The following PLA2G2D variants were observed in gnomAD, a reference collection of about 807,000 sequenced individuals.
PLA2G2D encodes group IID secretory phospholipase A2.
Under a neutral mutation model 13.9 loss-of-function variants are expected in PLA2G2D, and 17 were observed. That is an observed-to-expected ratio of 1.23 (90% CI 0.84 to 1.84). PLA2G2D has a LOEUF of 1.84. PLA2G2D is among the 40% of genes most tolerant of loss of function. The pLI, the probability that PLA2G2D is intolerant of heterozygous loss-of-function variation, is 0.00. For synonymous variants in PLA2G2D, 83 were observed against 69.3 expected (o/e 1.20, Z -0.98); for missense variants, 194 against 178.7 (o/e 1.09, Z -0.49).
intron 2 of PLA2G2D, 98 bp from the exon 3 acceptor site, chr1:20,115,711 A>T (rs1569870354): frequency 1.3e-6 from 1 of 793,940 alleles, no homozygotes; most frequent in East Asian, 2.4e-5. Context: ...CCACCTGGGA[A>T]GAGTCAAGGC....
intron 3 of PLA2G2D, among the ~76,000 whole-genome samples, chr1:20,114,720 TCCCG>T (rs2016949203): frequency 6.6e-6 from 1 of 151,890 alleles, no homozygotes; most frequent in Non-Finnish European, 1.5e-5. Context: ...ATGCAAAGAC[TCCCG>T]GGCAGGAGGG....
Position 20,113,920 on chromosome 1 carries a change from G to T in PLA2G2D, c.*194C>A. 2.0e-6 allele frequency: 1 copy of T among 508,214 alleles called. No individual in the cohort carries two copies. 31.5% of individuals were successfully genotyped at this position (508,214 alleles called of 1,614,324 possible). A position where few individuals can be genotyped will look rare whatever the true frequency, so the allele number is the denominator to read the frequency against. On this transcript the variant is annotated 3_prime_UTR_variant, in exon 4 of 4. Coordinates refer to ENST00000375105, the MANE Select transcript of PLA2G2D (RefSeq NM_012400.4). ...CTCCCAAGATTCCCATCCACCCTCA[G>T]AGGACACAGCTACTGCCTCAACTGG...
intron 1 of PLA2G2D, among the ~76,000 whole-genome samples, chr1:20,118,494 A>G (rs1354474651): frequency 6.6e-6 from 1 of 152,104 alleles, no homozygotes; most frequent in African/African-American, 2.4e-5. Context: ...ACAGGGGTGA[A>G]GCTCCTTCTC....
rs1203952754 is a variant in PLA2G2D at position 20,112,916 on chromosome 1, A to C, written c.*1198T>G. On this transcript the variant is annotated 3_prime_UTR_variant, in exon 4 of 4. Transcript: ENST00000375105. ...GGCCTCTTGGTGGGAGAGGTGGGGC[A>C]GGGGGAAGGCAGCTCCCACTAGACC... The C allele has an allele frequency of 6.6e-6, 1 of 152,206 alleles. No homozygotes were observed. Among genetic ancestry groups the C allele is most frequent in the Non-Finnish European group, 1.5e-5 (1 of 68,122 alleles). The allele number at this position is 152,206 out of a possible 1,614,324, so 9.4% of individuals were successfully genotyped here. A position where few individuals can be genotyped will look rare whatever the true frequency, so the allele number is the denominator to read the frequency against.
At chr1:20,117,215 A>T (rs182524661) in intron 1 of PLA2G2D, among the ~76,000 whole-genome samples, 25 of 152,312 alleles carry the variant, frequency 1.6e-4, no homozygotes, top group African/African-American at 3.4e-4. Flanking sequence ...ATTATTTTTA[A>T]ACCCTATTTT....
chr1:20,114,472 A>C (rs1388266235), intron 3 of PLA2G2D, among the ~76,000 whole-genome samples: 1 of 152,188 alleles, frequency 6.6e-6, no homozygotes, highest in African/African-American at 2.4e-5. Context: ...TTCATTAAAC[A>C]ATTGTTGAGC....
intron 1 of PLA2G2D, among the ~76,000 whole-genome samples, chr1:20,117,585 A>T (rs140550741): frequency 1.1e-4 from 17 of 152,322 alleles, no homozygotes; most frequent in African/African-American, 4.1e-4. Flanking sequence ...GAAATAAAAT[A>T]TATTAAGTCC....
chr1:20,119,006 A>G (rs910189514), intron 1 of PLA2G2D, among the ~76,000 whole-genome samples: 2 of 151,948 alleles, frequency 1.3e-5, no homozygotes, highest in African/African-American at 4.8e-5. Context: ...TTAAGATCAA[A>G]TGGAAATTGC....
intron 1 of PLA2G2D, among the ~76,000 whole-genome samples, chr1:20,119,107 C>A (rs1443790028): frequency 6.6e-6 from 1 of 152,158 alleles, no homozygotes; most frequent in African/African-American, 2.4e-5. Flanking sequence ...GAGTGCTATG[C>A]ATTCGTACGG....
chr1:20,115,443 G>T, intron 3 of PLA2G2D, 64 bp downstream of exon 3: 1 of 913,610 alleles, frequency 1.1e-6, no homozygotes, highest in Non-Finnish European at 1.8e-6. Context: ...TGCTGTGAAG[G>T]CAGTGGGGGC....
chr1:20,115,581 T>C lies in PLA2G2D; in HGVS notation c.218A>G (p.His73Arg), dbSNP rs62541891. ...CCQTHDCCYD[H>R]LKTQGCSIYK... ...GATGCTGCACCCCTGGGTCTTCAGG[T>C]GGTCATAGCAGCAGTCATGGGTCTG... Residue 73 changes from histidine to arginine, a missense_variant, in exon 3 of 4, where the codon CAC (histidine) becomes CGC (arginine). Transcript: ENST00000375105. The C allele has an allele frequency of 7.0e-4, 1,131 of 1,612,786 alleles. 10 individuals carry two copies. The African/African-American group carries it at 0.013, about 18-fold the overall frequency.
Position 20,114,125 on chromosome 1 carries a change from G to T in PLA2G2D, c.427C>A (p.Pro143Thr). ...YWRPHCRGQT[P>T]GC ...GAGGGTGTGGGCTTCTAGCACCCAG[G>T]GGTCTGCCCCCGGCAGTGGGGCCGC... The change falls in exon 4 of 4, where the codon CCT becomes ACT. Residue 143 changes from proline (P) to threonine (T), a missense_variant. Pro to Thr is a conservative substitution (Grantham distance 38). Coordinates refer to ENST00000375105, the MANE Select transcript of PLA2G2D (RefSeq NM_012400.4). 6.2e-7 allele frequency: 1 copy of T among 1,613,130 alleles called. No individual in the cohort carries two copies. The highest frequency in any genetic ancestry group is 8.5e-7 in the Non-Finnish European group (1 of 1,179,890).
intron 2 of PLA2G2D, among the ~76,000 whole-genome samples, chr1:20,116,084 G>A (rs1370723355): frequency 6.6e-6 from 1 of 152,178 alleles, no homozygotes; most frequent in Non-Finnish European, 1.5e-5. Context: ...GGGAGTGAAT[G>A]TGGGCATTGT....
intron 1 of PLA2G2D, 48 bp from the exon 2 acceptor site, chr1:20,116,525 G>A: frequency 6.2e-7 from 1 of 1,605,890 alleles, no homozygotes; most frequent in Non-Finnish European, 8.5e-7. Context: ...TGAATTTCAG[G>A]GCAGCGCCAA....
chr1:20,116,062 T>A (rs1239240181), intron 2 of PLA2G2D, among the ~76,000 whole-genome samples: 1 of 151,998 alleles, frequency 6.6e-6, no homozygotes, highest in Non-Finnish European at 1.5e-5. Context: ...AAAACCAACG[T>A]CCATTGCAGT....
chr1:20,119,432 C>T, intron 1 of PLA2G2D, 27 bp downstream of exon 1: 1 of 1,606,340 alleles, frequency 6.2e-7, no homozygotes, highest in Non-Finnish European at 8.5e-7. Flanking sequence ...CCTTCCCTTC[C>T]CAGCCTGGGT....
intron 1 of PLA2G2D, among the ~76,000 whole-genome samples, chr1:20,118,023 G>A (rs1237942169): frequency 6.6e-6 from 1 of 152,138 alleles, no homozygotes; most frequent in East Asian, 1.9e-4. Flanking sequence ...ACATGTACAA[G>A]AGAAGACTTG....
At chr1:20,118,024 A>G (rs780017376) in intron 1 of PLA2G2D, among the ~76,000 whole-genome samples, 11 of 152,130 alleles carry the variant, frequency 7.2e-5, no homozygotes, top group Non-Finnish European at 1.3e-4. Context: ...CATGTACAAG[A>G]GAAGACTTGC....
Position 20,117,420 on chromosome 1 carries a change from AAG to A in PLA2G2D, c.41-945_41-944del, listed in dbSNP as rs371177060. On this transcript the variant is annotated intron_variant, in intron 1 of 3. Transcript: ENST00000375105. Reference sequence around the variant, plus strand: ...CCTAGAAAAATCTGAGTCTGTAATAAAGAGAGTGTGTGGGTCTTCTGGGAGGC... The same window carrying A: ...CCTAGAAAAATCTGAGTCTGTAATAAAGAGTGTGTGGGTCTTCTGGGAGGC... Among the ~76,000 whole-genome samples, 58 of 152,266 alleles carry A rather than the reference AAG, an allele frequency of 3.8e-4. 1 individual carries two copies. Among genetic ancestry groups the A allele is most frequent in the South Asian group, 2.9e-3 (14 of 4,816 alleles).
Sources: gnomAD v4.1 joint callset for allele counts (sites outside exome capture counted in the v4.1 genomes callset) on GRCh38, gnomAD v4.1.1 for gene constraint, MANE v1.5 for transcripts, NCBI Gene and HGNC (gene_info 2026-07-23, HGNC 2026-07-21) for gene names.